Variants in AGBL3 observed in about 807,000 individuals in gnomAD.
AGBL3 encodes AGBL carboxypeptidase 3.
Under a neutral mutation model 94.5 loss-of-function variants are expected in AGBL3, and 68 were observed. That is an observed-to-expected ratio of 0.72 (90% confidence interval 0.59 to 0.88). The LOEUF (loss-of-function observed/expected upper bound fraction) is 0.88, where lower values mean the gene tolerates loss of function less well. AGBL3 is among the 40% of genes least tolerant of loss of function. The pLI is 0.00. For synonymous variants in AGBL3, 354 were observed against 370.7 expected (o/e 0.95, Z 0.52); for missense variants, 934 against 1,103.8 (o/e 0.85, Z 2.18).
intron 4 of AGBL3, among the ~76,000 whole-genome samples, chr7:135,001,102 C>A (rs1811661315): frequency 6.6e-6 from 1 of 152,164 alleles, no homozygotes; most frequent in Admixed American, 6.5e-5. Context: ...AAATCCATCC[C>A]AATACATTCA....
chr7:135,000,048 G>A (rs577487607), intron 4 of AGBL3, among the ~76,000 whole-genome samples: 1 of 152,210 alleles, frequency 6.6e-6, no homozygotes, highest in Non-Finnish European at 1.5e-5. Context: ...TCCTGCACAT[G>A]AACAGAATGA....
chr7:135,096,869 G>A (rs911142069), intron 15 of AGBL3, among the ~76,000 whole-genome samples: 3 of 152,062 alleles, frequency 2.0e-5, no homozygotes, highest in Non-Finnish European at 4.4e-5. Flanking sequence ...AGGAAGATAC[G>A]CAAAATAGAG....
chr7:135,076,327 T>C (rs1820446445), intron 12 of AGBL3, 70 bp from the exon 13 acceptor site: 2 of 1,201,120 alleles, frequency 1.7e-6, no homozygotes, highest in East Asian at 2.6e-5. Context: ...CTCGAAACAA[T>C]TTCATGTCTG....
chr7:135,060,585 C>A (rs1016668883), intron 12 of AGBL3, among the ~76,000 whole-genome samples: 3 of 152,110 alleles, frequency 2.0e-5, no homozygotes, highest in African/African-American at 4.8e-5. Flanking sequence ...CTGGTAACTA[C>A]CATTCTACTC....
chr7:135,105,610 A>G (rs1824583978), intron 15 of AGBL3, among the ~76,000 whole-genome samples: 1 of 152,192 alleles, frequency 6.6e-6, no homozygotes, highest in African/African-American at 2.4e-5. Context: ...TTTGTACAGT[A>G]CCATGCTGTT....
chr7:135,118,585 A>T (rs979084135), intron 16 of AGBL3, among the ~76,000 whole-genome samples: 5 of 152,220 alleles, frequency 3.3e-5, no homozygotes, highest in African/African-American at 1.2e-4. Context: ...CCAGAGTCTC[A>T]TAACATAATA....
chr7:135,134,154 A>T (rs1005450074), intron 16 of AGBL3, among the ~76,000 whole-genome samples: 1 of 152,148 alleles, frequency 6.6e-6, no homozygotes, highest in Non-Finnish European at 1.5e-5. Flanking sequence ...ATCAATGTCA[A>T]TATCCTGATT....
At chr7:135,102,533 G>A (rs1223994145) in intron 15 of AGBL3, among the ~76,000 whole-genome samples, 3 of 151,818 alleles carry the variant, frequency 2.0e-5, no homozygotes, top group African/African-American at 4.8e-5. Context: ...AGTATTATGT[G>A]GCTATGACAA....
chr7:135,009,939 C>T (rs1015658261), intron 4 of AGBL3: 1 of 389,236 alleles, frequency 2.6e-6, no homozygotes, highest in African/African-American at 2.2e-5. Flanking sequence ...GGTTGCCCTG[C>T]AACCTCTTCT....
chr7:135,013,211 C>T (rs1044008361), intron 4 of AGBL3, among the ~76,000 whole-genome samples: 1 of 152,076 alleles, frequency 6.6e-6, no homozygotes, highest in Non-Finnish European at 1.5e-5. Flanking sequence ...CAATGAGATA[C>T]CACTTTACAT....
chr7:134,988,040 A>G, intron 2 of AGBL3, 44 bp downstream of exon 2: 1 of 1,330,340 alleles, frequency 7.5e-7, no homozygotes, highest in Non-Finnish European at 1.0e-6. Flanking sequence ...TAAAATTTGT[A>G]TTATATAAAT....
At chr7:135,101,673 C>T (rs1823846962) in intron 15 of AGBL3, among the ~76,000 whole-genome samples, 1 of 152,138 alleles carries the variant, frequency 6.6e-6, no homozygotes, top group African/African-American at 2.4e-5. Context: ...TGGCCCTTAA[C>T]TAATTGAAGA....
chr7:135,081,890 A>G (rs1820951910), intron 15 of AGBL3, 100 bp downstream of exon 15: 2 of 701,694 alleles, frequency 2.9e-6, no homozygotes, highest in Admixed American at 3.3e-5. Context: ...AACAGTAGAA[A>G]TTTACTGTAT....
At chr7:135,002,265 A>G (rs757654956) in intron 4 of AGBL3, among the ~76,000 whole-genome samples, 1 of 152,188 alleles carries the variant, frequency 6.6e-6, no homozygotes, top group Non-Finnish European at 1.5e-5. Context: ...AGCTGAATTA[A>G]TTTAGGGCAG....
chr7:135,064,175 C>T (rs1362946558), intron 12 of AGBL3, among the ~76,000 whole-genome samples: 1 of 152,070 alleles, frequency 6.6e-6, no homozygotes, highest in African/African-American at 2.4e-5. Context: ...AGGAACAATC[C>T]AGGGGTATCT....
chr7:135,018,959 A>G (rs1814116525), intron 5 of AGBL3, among the ~76,000 whole-genome samples: 1 of 152,212 alleles, frequency 6.6e-6, no homozygotes, highest in African/African-American at 2.4e-5. Flanking sequence ...GAATACTTCC[A>G]TCACCCCAGA....
At chr7:135,128,775 A>G in intron 16 of AGBL3, 1 of 1,301,462 alleles carries the variant, frequency 7.7e-7, no homozygotes, top group Non-Finnish European at 1.1e-6. Flanking sequence ...TAGATTTTGG[A>G]GGAACTTCTG....
In AGBL3 at chr7:135,135,295, A is replaced by C. The variant is rs1829294828; in HGVS notation, c.*34A>C. 1.4e-6 allele frequency: 2 copies of C among 1,443,360 alleles called. No homozygotes were observed. The highest frequency in any genetic ancestry group is 2.9e-5 in the African/African-American group (2 of 69,370). The allele number at this position is 1,443,360 out of a possible 1,614,324, so 89.4% of individuals were successfully genotyped here. ...TATACTGCTCTGAGAACTGTGAATG[A>C]AGGATAACATATGCTTATGTAGTAA... On this transcript the variant is annotated 3_prime_UTR_variant, in exon 17 of 17. Coordinates refer to ENST00000436302, the MANE Select transcript of AGBL3 (RefSeq NM_178563.4).
At chr7:135,053,006 G>A (rs1349046080) in intron 11 of AGBL3, among the ~76,000 whole-genome samples, 2 of 152,134 alleles carry the variant, frequency 1.3e-5, no homozygotes, top group African/African-American at 2.4e-5. Context: ...ATCCTTACAT[G>A]TGCAGAAATA....
Sources: gnomAD v4.1 joint callset for allele counts (sites outside exome capture counted in the v4.1 genomes callset) on GRCh38, gnomAD v4.1.1 for gene constraint, MANE v1.5 for transcripts, NCBI Gene and HGNC (gene_info 2026-07-23, HGNC 2026-07-21) for gene names.